Variants in CHST3 observed in about 807,000 individuals in gnomAD.
CHST3 encodes carbohydrate sulfotransferase 3.
A neutral mutation model predicts 35.4 loss-of-function variants in CHST3; 20 were observed. The ratio of observed to expected loss-of-function variants is 0.57; its 90% confidence interval spans 0.40 to 0.82. The LOEUF is 0.82. Ranked by LOEUF, CHST3 falls within the 40% of genes least tolerant of loss-of-function variation. The pLI is 0.00. For synonymous variants in CHST3, 334 were observed against 295.9 expected (o/e 1.13, Z -1.32); for missense variants, 693 against 670.1 (o/e 1.03, Z -0.38).
intron 1 of CHST3, among the ~76,000 whole-genome samples, chr10:71,970,962 G>A (rs1839689283): frequency 6.6e-6 from 1 of 152,206 alleles, no homozygotes; most frequent in African/African-American, 2.4e-5. Context: ...GGGTGGTGGT[G>A]TAAGGTCACA....
intron 1 of CHST3, among the ~76,000 whole-genome samples, chr10:71,979,584 T>A (rs755602061): frequency 6.6e-6 from 1 of 152,130 alleles, no homozygotes; most frequent in Non-Finnish European, 1.5e-5. Flanking sequence ...CCTAGGCTCA[T>A]GGTTGCCACC....
At chr10:71,974,579 G>A (rs1002284826) in intron 1 of CHST3, among the ~76,000 whole-genome samples, 4 of 152,148 alleles carry the variant, frequency 2.6e-5, no homozygotes, top group Admixed American at 1.3e-4. Context: ...ATGCCAGGCG[G>A]GCCTGGAGGG....
At chr10:71,998,130 C>T (rs895799061) in intron 1 of CHST3, among the ~76,000 whole-genome samples, 47 of 152,156 alleles carry the variant, frequency 3.1e-4, no homozygotes, top group Non-Finnish European at 5.4e-4. Context: ...CAGAGTGCGA[C>T]CCTGTCCCCC....
At chr10:71,996,448 C>CTG (rs1477534122) in intron 1 of CHST3, among the ~76,000 whole-genome samples, 4 of 106,086 alleles carry the variant, frequency 3.8e-5, no homozygotes, top group African/African-American at 1.6e-4. Context: ...GTATGTGTCT[C>CTG]TGCGTGTGTG....
chr10:71,975,954 G>T (rs1839740985), intron 1 of CHST3, among the ~76,000 whole-genome samples: 1 of 152,242 alleles, frequency 6.6e-6, no homozygotes, highest in African/African-American at 2.4e-5. Context: ...CCCTTGGCCT[G>T]AGCTCCCGCG....
At chr10:71,991,916 CAA>C (rs1839900224) in intron 1 of CHST3, among the ~76,000 whole-genome samples, 1 of 143,162 alleles carries the variant, frequency 7.0e-6, no homozygotes, top group Non-Finnish European at 1.5e-5. Context: ...GCCTGGGCAA[CAA>C]GAGCAAAACT....
At chr10:71,982,701 A>AT (rs2131746820) in intron 1 of CHST3, among the ~76,000 whole-genome samples, 1 of 152,264 alleles carries the variant, frequency 6.6e-6, no homozygotes, top group East Asian at 1.9e-4. Context: ...GTGGGCCATG[A>AT]TCATGCCACT....
intron 1 of CHST3, among the ~76,000 whole-genome samples, chr10:71,973,992 T>G (rs1475281709): frequency 3.3e-5 from 5 of 152,206 alleles, no homozygotes; most frequent in Non-Finnish European, 5.9e-5. Flanking sequence ...ACTCCCCACT[T>G]ACTGGCTGTG....
intron 1 of CHST3, among the ~76,000 whole-genome samples, chr10:71,979,445 T>G (rs1839779703): frequency 6.6e-6 from 1 of 150,442 alleles, no homozygotes; most frequent in African/African-American, 2.5e-5. Flanking sequence ...CCTGGGGGAT[T>G]GGTTATGGCT....
chr10:71,987,436 C>T (rs985687531), intron 1 of CHST3, among the ~76,000 whole-genome samples: 7 of 151,810 alleles, frequency 4.6e-5, no homozygotes, highest in Non-Finnish European at 2.9e-5. Flanking sequence ...CAGAGGAGAC[C>T]GACGCAGTGA....
At chr10:72,004,895 C>T (rs1407570501) in intron 1 of CHST3, among the ~76,000 whole-genome samples, 4 of 152,014 alleles carry the variant, frequency 2.6e-5, no homozygotes, top group Non-Finnish European at 4.4e-5. Context: ...TTTGGGAGGC[C>T]GAGGCAGGTG....
chr10:72,013,041 G>C lies in CHST3; in HGVS notation c.*4570G>C, dbSNP rs1242954973. The C allele has an allele frequency of 1.3e-5, 2 of 152,196 alleles. No homozygotes were observed. Among genetic ancestry groups the C allele is most frequent in the Non-Finnish European group, 2.9e-5 (2 of 68,076 alleles). 9.4% of individuals were successfully genotyped at this position (152,196 alleles called of 1,614,324 possible). A position where few individuals can be genotyped will look rare whatever the true frequency, so the allele number is the denominator to read the frequency against. ...AGGCCTAGCTCATGTCATGGATCAG[G>C]TGCTTTGCTGGGGGGATACAATGAC... On this transcript the variant is annotated 3_prime_UTR_variant, in exon 3 of 3. Transcript: ENST00000373115.
In CHST3 at chr10:72,007,495, A is replaced by G; in HGVS notation, c.464A>G (p.Gln155Arg). Residue 155 changes from glutamine to arginine, a missense_variant, in exon 3 of 3, where the codon CAG (glutamine) becomes CGG (arginine). Coordinates refer to ENST00000373115, the MANE Select transcript of CHST3 (RefSeq NM_004273.5). ...TTCGTGGGCGAGTTCTTCAACCAGC[A>G]GGGCAACATCTTCTACCTCTTCGAG... ...SSFVGEFFNQ[Q>R]GNIFYLFEPL... 6.2e-7 allele frequency: 1 copy of G among 1,602,450 alleles called. No individual in the cohort carries two copies. Among genetic ancestry groups the G allele is most frequent in the Non-Finnish European group, 8.5e-7 (1 of 1,179,784 alleles).
chr10:72,000,662 C>T (rs1207730315), intron 1 of CHST3, among the ~76,000 whole-genome samples: 3 of 152,248 alleles, frequency 2.0e-5, no homozygotes, highest in South Asian at 4.1e-4. Context: ...AAGGCCCTTA[C>T]AGGGCTTTTA....
At position 72,011,295 on chromosome 10, in the gene CHST3, C is replaced by G. The variant is rs1224661535; in HGVS notation, c.*2824C>G. The G allele has an allele frequency of 6.6e-6, 1 of 152,200 alleles. No homozygotes were observed. The highest frequency in any genetic ancestry group is 1.5e-5 in the Non-Finnish European group (1 of 68,060). The allele number at this position is 152,200 out of a possible 1,614,324, so 9.4% of individuals were successfully genotyped here. A position where few individuals can be genotyped will look rare whatever the true frequency, so the allele number is the denominator to read the frequency against. ...CAGGGCCCTTGCTGCTGTATTACCT[C>G]TGCCCGGGTGTTTGAGACAGGTCAC... On this transcript the variant is annotated 3_prime_UTR_variant, in exon 3 of 3. Coordinates refer to ENST00000373115, the MANE Select transcript of CHST3 (RefSeq NM_004273.5).
chr10:72,007,376 A>G lies in CHST3; in HGVS notation c.345A>G (p.Glu115=). 1 of 1,606,062 alleles carries G rather than the reference A, an allele frequency of 6.2e-7. No individual in the cohort carries two copies. The highest frequency in any genetic ancestry group is 1.3e-5 in the African/African-American group (1 of 75,008). The change falls in exon 3 of 3, where the codon GAA becomes GAG. Residue 115 remains glutamate, a synonymous_variant. Coordinates refer to ENST00000373115, the MANE Select transcript of CHST3 (RefSeq NM_004273.5). ...TGGAGGCCGCAGGGGAGGAAGAGGA[A>G]GAGCAGAGAAAGGAGGAGGAGCCGC... The part of the protein sequence containing the change: ...PAMEAAGEEE[E]EQRKEEEPPR...
chr10:71,978,781 G>A (rs1839771543), intron 1 of CHST3, among the ~76,000 whole-genome samples: 1 of 152,206 alleles, frequency 6.6e-6, no homozygotes, highest in African/African-American at 2.4e-5. Context: ...CCAGAGGGGA[G>A]GCGCCCTGCC....
intron 1 of CHST3, among the ~76,000 whole-genome samples, chr10:71,976,870 A>G (rs1839750548): frequency 6.6e-6 from 1 of 152,256 alleles, no homozygotes; most frequent in African/African-American, 2.4e-5. Context: ...GTTTTATTAA[A>G]TTGTATAAAA....
At chr10:71,977,663 G>A (rs559473674) in intron 1 of CHST3, among the ~76,000 whole-genome samples, 12 of 128,200 alleles carry the variant, frequency 9.4e-5, no homozygotes, top group South Asian at 7.2e-4. Context: ...GCTGGAGCTT[G>A]ATTGTTTGTT....
Sources: gnomAD v4.1 joint callset for allele counts (sites outside exome capture counted in the v4.1 genomes callset) on GRCh38, gnomAD v4.1.1 for gene constraint, MANE v1.5 for transcripts, NCBI Gene and HGNC (gene_info 2026-07-23, HGNC 2026-07-21) for gene names.